The following TERB1 variants were observed in gnomAD, a reference collection of about 807,000 sequenced individuals.
The protein encoded by TERB1 is telomere repeats-binding bouquet formation protein 1.
Under a neutral mutation model 92.3 loss-of-function variants are expected in TERB1, and 63 were observed. The observed-to-expected ratio is 0.68, with a 90% CI of 0.56 to 0.84. TERB1 has a LOEUF of 0.84. Among genes scored for constraint, TERB1 ranks in the 40% least tolerant of loss-of-function variants. The probability of loss-of-function intolerance (pLI) is 0.00; values close to 1 mark genes in which losing one functional copy is unlikely to be tolerated. For missense variants in TERB1, 709 were observed against 843.7 expected, an observed-to-expected ratio of 0.84 and a Z score of 1.98; for synonymous variants, 252 against 283.9, an observed-to-expected ratio of 0.89 and a Z score of 1.13.
At chr16:66,774,618 C>A (rs2145147146) in intron 12 of TERB1, among the ~76,000 whole-genome samples, 1 of 152,206 alleles carries the variant, frequency 6.6e-6, no homozygotes, top group South Asian at 2.1e-4. Flanking sequence ...CTGCTCTCTT[C>A]CACATGGGTT....
chr16:66,789,270 C>T (rs1227286792), intron 5 of TERB1, among the ~76,000 whole-genome samples: 1 of 151,672 alleles, frequency 6.6e-6, no homozygotes, highest in Non-Finnish European at 1.5e-5. Context: ...ATTATATAGC[C>T]ACAAAAATTA....
At chr16:66,766,889 C>T (rs2018354790) in intron 16 of TERB1, among the ~76,000 whole-genome samples, 1 of 152,164 alleles carries the variant, frequency 6.6e-6, no homozygotes, top group Non-Finnish European at 1.5e-5. Context: ...TCAAGAAATC[C>T]TCCAGCCTTG....
chr16:66,767,173 C>CAA (rs879545796), intron 16 of TERB1, among the ~76,000 whole-genome samples: 14 of 95,240 alleles, frequency 1.5e-4, no homozygotes, highest in African/African-American at 3.7e-4. Flanking sequence ...CGAAAAAATA[C>CAA]AAAAAAAAAA....
chr16:66,757,363 A>G (rs1292748829), intron 18 of TERB1, among the ~76,000 whole-genome samples: 1 of 152,252 alleles, frequency 6.6e-6, no homozygotes, highest in Non-Finnish European at 1.5e-5. Flanking sequence ...ATATGCAAAT[A>G]GATTACAGCA....
intron 14 of TERB1, among the ~76,000 whole-genome samples, 171 bp from the exon 15 acceptor site, chr16:66,768,339 A>G (rs1393911461): frequency 2.6e-5 from 4 of 152,224 alleles, no homozygotes; most frequent in Non-Finnish European, 5.9e-5. Flanking sequence ...TGCAACAATT[A>G]CAGCCGTGTT....
chr16:66,785,142 C>T (rs377253290), intron 9 of TERB1, among the ~76,000 whole-genome samples: 105 of 151,838 alleles, frequency 6.9e-4, no homozygotes, highest in African/African-American at 2.3e-3. Context: ...GCCTCAGCCT[C>T]CCAAGTAGCT....
chr16:66,763,123 A>C (rs1256649288), intron 16 of TERB1, among the ~76,000 whole-genome samples: 1 of 151,736 alleles, frequency 6.6e-6, no homozygotes, highest in Non-Finnish European at 1.5e-5. Flanking sequence ...TCATGATCCA[A>C]ATAAGGTTCA....
chr16:66,784,387 A>AGT (rs2018685911), intron 9 of TERB1, among the ~76,000 whole-genome samples: 2 of 151,774 alleles, frequency 1.3e-5, no homozygotes, highest in African/African-American at 4.8e-5. Context: ...GCTGGAGTGC[A>AGT]GTGGTATGAT....
intron 18 of TERB1, among the ~76,000 whole-genome samples, chr16:66,756,831 C>T (rs564505083): frequency 2.6e-5 from 4 of 152,178 alleles, no homozygotes; most frequent in Non-Finnish European, 4.4e-5. Context: ...CCAAGCTCCC[C>T]GCTCTGTGAC....
At chr16:66,785,973 T>C in intron 8 of TERB1, 41 bp downstream of exon 8, 1 of 1,528,396 alleles carries the variant, frequency 6.5e-7, no homozygotes, top group Non-Finnish European at 8.8e-7. Flanking sequence ...TTTCATTTGT[T>C]TTTATCTTTA....
chr16:66,768,316 C>T (rs1417976933), intron 14 of TERB1, 148 bp from the exon 15 acceptor site: 6 of 634,644 alleles, frequency 9.5e-6, no homozygotes, highest in Non-Finnish European at 1.7e-5. Context: ...CCAAATTCTG[C>T]CAACGTAGGG....
intron 11 of TERB1, 69 bp downstream of exon 11, chr16:66,777,132 GAA>G (rs71671589): frequency 2.0e-5 from 24 of 1,173,696 alleles, no homozygotes; most frequent in South Asian, 3.7e-5. Flanking sequence ...ATAACTGGAA[GAA>G]AAAAAAAAAC....
intron 12 of TERB1, among the ~76,000 whole-genome samples, chr16:66,774,683 CTTTT>C (rs1555508412): frequency 9.9e-5 from 4 of 40,216 alleles, no homozygotes; most frequent in Admixed American, 5.7e-4. Flanking sequence ...CTCTGATTTT[CTTTT>C]TTTTTTTTTT....
chr16:66,770,694 G>C (rs776308026), intron 13 of TERB1, among the ~76,000 whole-genome samples: 26 of 151,784 alleles, frequency 1.7e-4, no homozygotes, highest in Middle Eastern at 3.4e-3. Flanking sequence ...TAATATACTC[G>C]ACCACATAAA....
chr16:66,800,188 A>AC (rs1043932550), intron 2 of TERB1: 1 of 151,592 alleles, frequency 6.6e-6, no homozygotes, highest in Admixed American at 6.6e-5. Flanking sequence ...ACATGGTGAA[A>AC]CCCCGTCTCT....
At position 66,779,105 on chromosome 16, in the gene TERB1, A is replaced by G. The variant is rs1476076998; in HGVS notation, c.701-90T>C. 9.1e-6 allele frequency: 9 copies of G among 987,130 alleles called. No individual in the cohort carries two copies. In the East Asian group the frequency reaches 1.8e-4, roughly 19 times the overall value. The allele number at this position is 987,130 out of a possible 1,614,324, so 61.1% of individuals were successfully genotyped here. A position where few individuals can be genotyped will look rare whatever the true frequency, so the allele number is the denominator to read the frequency against. Reference sequence around the variant, plus strand: ...TAAATCTGCATTAAATATAACATTGACCTTTTCAAATACTTTCTAAAAATC... The same window carrying G: ...TAAATCTGCATTAAATATAACATTGGCCTTTTCAAATACTTTCTAAAAATC... On this transcript the variant is annotated intron_variant, in intron 9 of 18. Coordinates refer to ENST00000433154, the MANE Select transcript of TERB1 (RefSeq NM_001136505.2).
Position 66,775,176 on chromosome 16 carries a change from C to T in TERB1, c.1053G>A (p.Ser351=), listed in dbSNP as rs1165807501. The T allele has an allele frequency of 5.8e-6, 9 of 1,551,352 alleles. No homozygotes were observed. The highest frequency in any genetic ancestry group is 6.1e-6 in the Non-Finnish European group (7 of 1,146,788). The change falls in exon 12 of 19, where the codon TCG becomes TCA. Residue 351 remains serine (S), a synonymous_variant. Coordinates refer to ENST00000433154, the MANE Select transcript of TERB1 (RefSeq NM_001136505.2). ...LPLMIQALTE[S]QNEELNKAAT... The stretch of plus-strand genomic sequence containing the variant: ...CAGCTTTGTTCAGTTCCTCATTCTG[C>T]GATTCAGTTAAGGCTTGAATCATGA...
chr16:66,796,540 A>G (rs1443986364), intron 3 of TERB1, among the ~76,000 whole-genome samples: 1 of 152,152 alleles, frequency 6.6e-6, no homozygotes, highest in Non-Finnish European at 1.5e-5. Flanking sequence ...TCTTGTATAC[A>G]CTGACATTAA....
chr16:66,764,670 A>G (rs2018308544), intron 16 of TERB1, among the ~76,000 whole-genome samples: 1 of 152,252 alleles, frequency 6.6e-6, no homozygotes, highest in Non-Finnish European at 1.5e-5. Context: ...TATGTGGCAA[A>G]AAAGAACAAA....
Sources: gnomAD v4.1 joint callset for allele counts (sites outside exome capture counted in the v4.1 genomes callset) on GRCh38, gnomAD v4.1.1 for gene constraint, MANE v1.5 for transcripts, NCBI Gene and HGNC (gene_info 2026-07-23, HGNC 2026-07-21) for gene names.